AUH: variants seen among roughly 807,000 people sequenced by gnomAD.
The protein encoded by AUH is AU RNA binding methylglutaconyl-CoA hydratase.
AUH carries 29 observed loss-of-function variants against 42.3 expected under a neutral mutation model. That is an observed-to-expected ratio of 0.69 (90% CI 0.51 to 0.93). AUH has a LOEUF of 0.93. AUH is among the 40% of genes least tolerant of loss of function. The probability of loss-of-function intolerance (pLI) is 0.00; values close to 1 mark genes in which losing one functional copy is unlikely to be tolerated. For synonymous variants in AUH, 174 were observed against 166.4 expected (o/e 1.05, Z -0.35); for missense variants, 452 against 438.1 (o/e 1.03, Z -0.28).
At chr9:91,217,476 G>A in intron 7 of AUH, 149 bp from the exon 8 acceptor site, 1 of 758,358 alleles carries the variant, frequency 1.3e-6, no homozygotes, top group Admixed American at 2.6e-5. Context: ...TCTGAGCCTT[G>A]CAAGGCTGTA....
At chr9:91,360,399 A>G (rs1832759026) in intron 1 of AUH, 1 of 152,218 alleles carries the variant, frequency 6.6e-6, no homozygotes, top group South Asian at 2.1e-4. Flanking sequence ...TACACCACAC[A>G]TGTTCACATC....
chr9:91,331,310 G>A lies in AUH; in HGVS notation c.419-5906C>T, dbSNP rs1419283232. ...CGATGTCATAAATACCATTCTATTT[G>A]AGAATGTATAATAAGCTTTGTGAAT... On this transcript the variant is annotated intron_variant, in intron 3 of 9. Transcript: ENST00000375731. 2.6e-5 allele frequency among the ~76,000 whole-genome samples: 4 copies of A among 152,342 alleles called. No individual in the cohort carries two copies. In the South Asian group the frequency reaches 6.2e-4, roughly 24 times the overall value.
At chr9:91,322,493 A>G (rs1391486841) in intron 4 of AUH, among the ~76,000 whole-genome samples, 1 of 152,244 alleles carries the variant, frequency 6.6e-6, no homozygotes, top group African/African-American at 2.4e-5. Context: ...CAGAATAGAC[A>G]GCTAAGCCAA....
intron 4 of AUH, among the ~76,000 whole-genome samples, chr9:91,324,783 G>T (rs1252584029): frequency 1.3e-5 from 2 of 150,978 alleles, no homozygotes; most frequent in African/African-American, 4.8e-5. Context: ...ATGATAACTG[G>T]AACAGCGATT....
At chr9:91,357,175 T>C (rs1381352871) in intron 1 of AUH, among the ~76,000 whole-genome samples, 3 of 152,158 alleles carry the variant, frequency 2.0e-5, no homozygotes, top group Non-Finnish European at 4.4e-5. Context: ...TGACTTTGGG[T>C]AGGTCCCAAT....
chr9:91,269,030 G>C (rs1587731771), intron 6 of AUH, among the ~76,000 whole-genome samples: 1 of 151,670 alleles, frequency 6.6e-6, no homozygotes, highest in Non-Finnish European at 1.5e-5. Context: ...ACCCAGGCTG[G>C]AGCACAGTGG....
chr9:91,223,691 G>A (rs1249974335), intron 6 of AUH, among the ~76,000 whole-genome samples: 1 of 152,082 alleles, frequency 6.6e-6, no homozygotes, highest in Non-Finnish European at 1.5e-5. Flanking sequence ...TACCAACAGA[G>A]AACAAGAATT....
At chr9:91,357,575 A>T in intron 1 of AUH, 1 of 855,378 alleles carries the variant, frequency 1.2e-6, no homozygotes, top group Non-Finnish European at 1.4e-6. Flanking sequence ...AATATCATTA[A>T]TAATCCATTC....
chr9:91,227,897 T>C (rs1312647633), intron 6 of AUH, among the ~76,000 whole-genome samples: 1 of 151,658 alleles, frequency 6.6e-6, no homozygotes, highest in Non-Finnish European at 1.5e-5. Context: ...ATCCCAGGGA[T>C]GAAGCCCACT....
At chr9:91,285,268 C>T (rs1826307251) in intron 6 of AUH, among the ~76,000 whole-genome samples, 2 of 149,726 alleles carry the variant, frequency 1.3e-5, no homozygotes, top group East Asian at 2.0e-4. Flanking sequence ...AATGAGAACA[C>T]TTGGACATAG....
chr9:91,258,981 A>G (rs996011950), intron 6 of AUH, among the ~76,000 whole-genome samples: 3 of 152,288 alleles, frequency 2.0e-5, no homozygotes, highest in East Asian at 1.9e-4. Context: ...TTGTCTGTAT[A>G]TATCTTTCAT....
At chr9:91,345,869 C>T (rs996008459) in intron 3 of AUH, among the ~76,000 whole-genome samples, 2 of 147,752 alleles carry the variant, frequency 1.4e-5, no homozygotes, top group Admixed American at 6.8e-5. Flanking sequence ...AGAACCCTGA[C>T]ATAACTCACA....
At chr9:91,357,221 C>A (rs998326101) in intron 1 of AUH, among the ~76,000 whole-genome samples, 1 of 152,208 alleles carries the variant, frequency 6.6e-6, no homozygotes, top group Non-Finnish European at 1.5e-5. Flanking sequence ...AGGCCTCAGG[C>A]ACTGCTCCAG....
intron 6 of AUH, among the ~76,000 whole-genome samples, chr9:91,290,126 A>T (rs1428625784): frequency 6.6e-6 from 1 of 152,226 alleles, no homozygotes; most frequent in Non-Finnish European, 1.5e-5. Flanking sequence ...CTCACTTAGG[A>T]CAAAAGAGGT....
chr9:91,361,623 C>T lies in AUH; in HGVS notation c.262+5G>A. The T allele has an allele frequency of 6.3e-7, 1 of 1,578,772 alleles. No individual in the cohort carries two copies. The highest frequency in any genetic ancestry group is 1.8e-5 in the Admixed American group (1 of 55,610). ...CCCCGCGCCTGCCCAGCGTTCGCAC[C>T]TCACCTCGGTTCTCCTCCTCCAGGT... On this transcript the variant is annotated splice_donor_5th_base_variant and intron_variant, in intron 1 of 9. Transcript: ENST00000375731.
intron 3 of AUH, among the ~76,000 whole-genome samples, chr9:91,345,553 G>A (rs1831431417): frequency 6.6e-6 from 1 of 152,092 alleles, no homozygotes; most frequent in African/African-American, 2.4e-5. Flanking sequence ...CCCAGAGAAG[G>A]CCAGGCGTGG....
chr9:91,285,318 G>T (rs184779954), intron 6 of AUH, among the ~76,000 whole-genome samples: 1 of 152,092 alleles, frequency 6.6e-6, no homozygotes, highest in East Asian at 1.9e-4. Context: ...CATGGGGTGG[G>T]GGAAGGGGGG....
chr9:91,350,525 G>A (rs112585303), intron 3 of AUH, among the ~76,000 whole-genome samples: 3,025 of 152,280 alleles, frequency 0.02, 86 homozygotes, highest in African/African-American at 0.061. Flanking sequence ...TTGGGAGGCC[G>A]AGGCAGGTGG....
chr9:91,304,810 C>T (rs1292334016), intron 4 of AUH, among the ~76,000 whole-genome samples: 3 of 152,164 alleles, frequency 2.0e-5, no homozygotes, highest in Admixed American at 6.5e-5. Context: ...ACACTGGTTT[C>T]TTGAGCTTTC....
Sources: allele counts gnomAD v4.1 joint callset (sites outside exome capture counted in the v4.1 genomes callset), GRCh38; gene constraint gnomAD v4.1.1; transcripts MANE v1.5; gene names NCBI Gene and HGNC (gene_info 2026-07-23, HGNC 2026-07-21).